The following NUP62CL variants were observed in gnomAD, a reference collection of about 807,000 sequenced individuals.
The protein encoded by NUP62CL is nucleoporin 62 C-terminal like.
NUP62CL carries 13 observed loss-of-function variants against 15.3 expected under a neutral mutation model. The ratio of observed to expected loss-of-function variants is 0.85; its 90% confidence interval spans 0.55 to 1.35. The LOEUF is 1.35. Among genes scored for constraint, NUP62CL ranks in the 40% most tolerant of loss-of-function variants. The probability of loss-of-function intolerance (pLI) is 0.00; values close to 1 mark genes in which losing one functional copy is unlikely to be tolerated. For missense variants in NUP62CL, 123 were observed against 130.6 expected (o/e 0.94, Z 0.28); for synonymous variants, 54 against 49.2 (o/e 1.10, Z -0.41).
chrX:107,131,638 G>A, intron 8 of NUP62CL: 1 of 543,196 alleles, frequency 1.8e-6, no homozygotes, highest in East Asian at 3.4e-5. Context: ...GCGGGACCAA[G>A]GCCGCGGCCG....
At chrX:107,173,255 T>C (rs1378776603) in intron 3 of NUP62CL, among the ~76,000 whole-genome samples, 1 of 112,243 alleles carries the variant, frequency 8.9e-6, no homozygotes, top group Non-Finnish European at 1.9e-5. Flanking sequence ...ACATGAAATG[T>C]CCAGAAAAGG....
At chrX:107,186,708 G>A (rs1405477861) in intron 2 of NUP62CL, among the ~76,000 whole-genome samples, 1 of 111,393 alleles carries the variant, frequency 9.0e-6, no homozygotes, top group African/African-American at 3.3e-5. Context: ...GACCAGTCTG[G>A]CCAATATGGT....
rs758117003 is a variant in NUP62CL at position 107,178,275 on chromosome X, A to G, written c.-47-3082T>C. On this transcript the variant is annotated intron_variant, in intron 2 of 8. Transcript: ENST00000372466. ...TAATACGGCCTGTTGTAATGGTTGC[A>G]TAGCTCTGTGAACCACTGAACTGTA... Among the ~76,000 whole-genome samples, 7 of 111,965 alleles carry G rather than the reference A, an allele frequency of 6.3e-5. No individual in the cohort carries two copies. The East Asian group carries it at 2.0e-3, about 31-fold the overall frequency.
intron 8 of NUP62CL, among the ~76,000 whole-genome samples, chrX:107,146,175 C>G (rs1925879263): frequency 9.0e-6 from 1 of 111,404 alleles, no homozygotes. Context: ...GTTGTAAAGG[C>G]ACATTTTGTC....
intron 4 of NUP62CL, among the ~76,000 whole-genome samples, chrX:107,164,062 T>C (rs1926450284): frequency 8.9e-6 from 1 of 111,801 alleles, no homozygotes; most frequent in South Asian, 3.7e-4. Context: ...AATTTTCAAA[T>C]GTCCATGGAA....
In NUP62CL at chrX:107,123,592, A is replaced by C. The variant is rs887139069; in HGVS notation, c.*783T>G. ...AACAAAACAAAACAAACAAACAAAA[A>C]AAAAGAAAAACAAACAAATATACGG... On this transcript the variant is annotated 3_prime_UTR_variant, in exon 9 of 9. Coordinates refer to ENST00000372466, the MANE Select transcript of NUP62CL (RefSeq NM_017681.3). 4.5e-5 allele frequency: 5 copies of C among 111,659 alleles called. No individual in the cohort carries two copies. The highest frequency in any genetic ancestry group is 7.5e-5 in the Non-Finnish European group (4 of 53,121). 9.2% of individuals were successfully genotyped at this position (111,659 alleles called of 1,213,427 possible). A position where few individuals can be genotyped will look rare whatever the true frequency, so the allele number is the denominator to read the frequency against.
intron 1 of NUP62CL, among the ~76,000 whole-genome samples, chrX:107,193,689 C>CAA (rs35585744): frequency 3.9e-4 from 38 of 96,772 alleles, no homozygotes; most frequent in African/African-American, 1.3e-3. Flanking sequence ...CACATATAGT[C>CAA]AAAAAAAAAA....
chrX:107,169,792 A>G (rs917088412), intron 3 of NUP62CL, among the ~76,000 whole-genome samples: 13 of 108,943 alleles, frequency 1.2e-4, no homozygotes, highest in African/African-American at 4.2e-4. Context: ...TAACTACTGC[A>G]TTCAAGACAG....
intron 3 of NUP62CL, 111 bp from the exon 4 acceptor site, chrX:107,167,895 C>A: frequency 1.5e-6 from 1 of 681,358 alleles, no homozygotes; most frequent in Non-Finnish European, 2.1e-6. Context: ...CAAATTTGAA[C>A]TCAAAGATGC....
chrX:107,131,646 CCG>C, intron 8 of NUP62CL: 1 of 568,102 alleles, frequency 1.8e-6, no homozygotes, highest in Admixed American at 2.4e-5. Flanking sequence ...AAGGCCGCGG[CCG>C]ACTAGCGGGA....
chrX:107,169,466 A>G (rs1341663497), intron 3 of NUP62CL, among the ~76,000 whole-genome samples: 1 of 112,451 alleles, frequency 8.9e-6, no homozygotes, highest in Non-Finnish European at 1.9e-5. Context: ...GAATTCCACA[A>G]GACTCCATTT....
rs766588941 is a variant in NUP62CL, at chrX:107,201,136, T to C, written c.-92+5137A>G. On this transcript the variant is annotated intron_variant, in intron 1 of 8. Transcript: ENST00000372466. The stretch of plus-strand genomic sequence containing the variant: ...ACAGAAAATAAAGCAATTAAACATA[T>C]GCTTCTGAAAAAATAAGCATAATTC... Among the ~76,000 whole-genome samples, 44 of 111,919 alleles carry C rather than the reference T, an allele frequency of 3.9e-4. 1 individual carries two copies. In the South Asian group the frequency reaches 0.011, roughly 29 times the overall value.
intron 8 of NUP62CL, among the ~76,000 whole-genome samples, chrX:107,129,431 G>T (rs1323993982): frequency 1.8e-5 from 2 of 111,755 alleles, no homozygotes; most frequent in Non-Finnish European, 3.8e-5. Context: ...CAAGTATTCT[G>T]TACCAAAACG....
intron 8 of NUP62CL, among the ~76,000 whole-genome samples, chrX:107,125,216 A>AT (rs1174633240): frequency 9.0e-6 from 1 of 111,528 alleles, no homozygotes; most frequent in Non-Finnish European, 1.9e-5. Context: ...CTTCCTTATG[A>AT]TTTTCTTAAC....
chrX:107,171,134 A>T lies in NUP62CL; in HGVS notation c.59-3350T>A, dbSNP rs1449479538. ...ATTTCTCTTAAAATTTGCTGATTAT[A>T]TCTAGGGCAGACAGTAATCCCAAAT... On this transcript the variant is annotated intron_variant, in intron 3 of 8. Coordinates refer to ENST00000372466, the MANE Select transcript of NUP62CL (RefSeq NM_017681.3). Among the ~76,000 whole-genome samples, 3 of 112,551 alleles carry T rather than the reference A, an allele frequency of 2.7e-5. No homozygotes were observed. The East Asian group carries it at 8.4e-4, about 31-fold the overall frequency.
At chrX:107,160,904 G>T (rs1349007278) in intron 4 of NUP62CL, among the ~76,000 whole-genome samples, 17 of 108,099 alleles carry the variant, frequency 1.6e-4, no homozygotes, top group African/African-American at 5.7e-4. Context: ...CTAATATCCA[G>T]AATCTACAAT....
chrX:107,161,567 G>T (rs1926371926), intron 4 of NUP62CL, among the ~76,000 whole-genome samples: 1 of 34,481 alleles, frequency 2.9e-5, no homozygotes, highest in South Asian at 2.7e-3. Flanking sequence ...TCACTCATAG[G>T]TGGGAATTGA....
intron 1 of NUP62CL, among the ~76,000 whole-genome samples, chrX:107,200,923 CAAAA>C (rs1427017326): frequency 1.1e-4 from 12 of 110,537 alleles, no homozygotes; most frequent in African/African-American, 3.3e-4. Flanking sequence ...AAAAAACCCT[CAAAA>C]AACAAAAAAC....
At chrX:107,138,371 T>C (rs767533581) in intron 8 of NUP62CL, among the ~76,000 whole-genome samples, 3 of 111,579 alleles carry the variant, frequency 2.7e-5, no homozygotes, top group Non-Finnish European at 3.8e-5. Context: ...AGAAAATGAA[T>C]AGATAGGCTA....
Sources: gnomAD v4.1 joint callset for allele counts (sites outside exome capture counted in the v4.1 genomes callset) on GRCh38, gnomAD v4.1.1 for gene constraint, MANE v1.5 for transcripts, NCBI Gene and HGNC (gene_info 2026-07-23, HGNC 2026-07-21) for gene names.